KIF2A: variants seen among roughly 807,000 people sequenced by gnomAD.
The protein encoded by KIF2A is kinesin-like protein KIF2A.
A neutral mutation model predicts 100.2 loss-of-function variants in KIF2A; 22 were observed. That is an observed-to-expected ratio of 0.22 (90% CI 0.16 to 0.31). KIF2A has a LOEUF of 0.31. Ranked by LOEUF, KIF2A falls within the 10% of genes least tolerant of loss-of-function variation. The pLI, the probability that KIF2A is intolerant of heterozygous loss-of-function variation, is 1.00. For missense variants in KIF2A, 495 were observed against 898.7 expected (o/e 0.55, Z 5.74); for synonymous variants, 268 against 285.9 (o/e 0.94, Z 0.63).
chr5:62,347,035 T>C (rs1324380410), intron 1 of KIF2A, 95 bp from the exon 2 acceptor site: 4 of 684,272 alleles, frequency 5.8e-6, no homozygotes, highest in Non-Finnish European at 1.0e-5. Context: ...GTGTCATTTT[T>C]TTTTTAATTT....
intron 16 of KIF2A, among the ~76,000 whole-genome samples, chr5:62,368,260 CTTGT>C (rs1360084791): frequency 6.6e-6 from 1 of 150,928 alleles, no homozygotes; most frequent in East Asian, 1.9e-4. Context: ...GAATACTTTT[CTTGT>C]TTTTTTTTTT....
In KIF2A at chr5:62,348,830, C is replaced by G. The variant is rs112706657; in HGVS notation, c.279+663C>G. 9.6e-3 allele frequency among the ~76,000 whole-genome samples: 1,262 copies of G among 131,982 alleles called. 8 individuals are homozygous for G. Among genetic ancestry groups the G allele is most frequent in the Non-Finnish European group, 0.015 (979 of 63,360 alleles). 86.6% of individuals were successfully genotyped at this position (131,982 alleles called of 152,430 possible). Reference sequence around the variant, plus strand: ...GGTTCTTTGTGTTCATCTCAACAAGCATTTGTGGTTTTGTTGTTGTTGTTT... The same window carrying G: ...GGTTCTTTGTGTTCATCTCAACAAGGATTTGTGGTTTTGTTGTTGTTGTTT... On this transcript the variant is annotated intron_variant, in intron 3 of 20. Coordinates refer to ENST00000407818, the MANE Select transcript of KIF2A (RefSeq NM_001098511.3).
chr5:62,386,880 A>ATATC lies in KIF2A; in HGVS notation c.*1313_*1316dup, dbSNP rs1742055644. On this transcript the variant is annotated 3_prime_UTR_variant, in exon 21 of 21. Transcript: ENST00000407818. ...GTAAATATTTTGTTCAAAGATTTGT[A>ATATC]TATCTCTCTAGGAGTTTTCCCTCAG... Among the ~76,000 whole-genome samples the ATATC allele has an allele frequency of 6.6e-6, 1 of 152,234 alleles. No individual in the cohort carries two copies. Among genetic ancestry groups the ATATC allele is most frequent in the African/African-American group, 2.4e-5 (1 of 41,472 alleles).
intron 1 of KIF2A, chr5:62,308,523 C>T (rs1042670624): frequency 5.8e-5 from 41 of 705,078 alleles, no homozygotes; most frequent in Non-Finnish European, 9.3e-5. Context: ...TGAGGAATGG[C>T]TAAAGAAATT....
intron 19 of KIF2A, among the ~76,000 whole-genome samples, chr5:62,379,911 T>C (rs1424839958): frequency 6.6e-6 from 1 of 152,210 alleles, no homozygotes; most frequent in Non-Finnish European, 1.5e-5. Flanking sequence ...TTTTTTGTTT[T>C]GAGACAGTCT....
chr5:62,345,818 C>T (rs186179350), intron 1 of KIF2A, among the ~76,000 whole-genome samples: 1 of 151,998 alleles, frequency 6.6e-6, no homozygotes, highest in Admixed American at 6.6e-5. Flanking sequence ...ATAGATGCCC[C>T]CAAGGATTTC....
At chr5:62,307,936 G>C (rs1353100548) in intron 1 of KIF2A, among the ~76,000 whole-genome samples, 1 of 152,100 alleles carries the variant, frequency 6.6e-6, no homozygotes, top group Non-Finnish European at 1.5e-5. Context: ...TTTTATGAGT[G>C]CCTTATTTAT....
At chr5:62,336,713 A>G (rs1313000635) in intron 1 of KIF2A, among the ~76,000 whole-genome samples, 2 of 152,250 alleles carry the variant, frequency 1.3e-5, no homozygotes, top group Non-Finnish European at 2.9e-5. Context: ...TGACTTAAGC[A>G]TTCATCTTAA....
intron 1 of KIF2A, among the ~76,000 whole-genome samples, chr5:62,324,897 A>G (rs1009399104): frequency 1.3e-5 from 2 of 152,222 alleles, no homozygotes; most frequent in Non-Finnish European, 2.9e-5. Context: ...AGCAAAAGAA[A>G]CAGAGTAAAC....
Position 62,385,628 on chromosome 5 carries a change from C to T in KIF2A, c.*59C>T. 4 of 1,202,322 alleles carry T rather than the reference C, an allele frequency of 3.3e-6. 1 individual carries two copies. In the South Asian group the frequency reaches 4.0e-5, roughly 12 times the overall value. 74.5% of individuals were successfully genotyped at this position (1,202,322 alleles called of 1,614,324 possible). ...CTCACTACTGTAACATACAACGGTT[C>T]AGCTGTAAGGGCCATTTGAAAGTTT... On this transcript the variant is annotated 3_prime_UTR_variant, in exon 21 of 21. Transcript: ENST00000407818.
chr5:62,390,682 TAAAGAA>T lies in KIF2A; in HGVS notation c.*5116_*5121del, dbSNP rs915827426. On this transcript the variant is annotated 3_prime_UTR_variant, in exon 21 of 21. Transcript: ENST00000407818. ...TCGGACTGTTCTTTACTACTGTTCT[TAAAGAA>T]AATGTTCATTCTGCTGCAGCTAACT... Among the ~76,000 whole-genome samples the T allele has an allele frequency of 6.6e-6, 1 of 152,172 alleles. No homozygotes were observed. Among genetic ancestry groups the T allele is most frequent in the African/African-American group, 2.4e-5 (1 of 41,452 alleles).
chr5:62,339,178 C>T (rs976118127), intron 1 of KIF2A, among the ~76,000 whole-genome samples: 1 of 152,158 alleles, frequency 6.6e-6, no homozygotes, highest in African/African-American at 2.4e-5. Flanking sequence ...CTGGGAAGGT[C>T]TCATGAAGGC....
chr5:62,368,932 G>T (rs1004490943), intron 16 of KIF2A, among the ~76,000 whole-genome samples: 2 of 151,982 alleles, frequency 1.3e-5, no homozygotes, highest in Admixed American at 1.3e-4. Flanking sequence ...TGATATGTGG[G>T]ATTTTTATCA....
At chr5:62,319,160 TAAC>T (rs35093486) in intron 1 of KIF2A, among the ~76,000 whole-genome samples, 3,387 of 149,798 alleles carry the variant, frequency 0.023, 72 homozygotes, top group African/African-American at 0.058. Flanking sequence ...GTAATTTGGT[TAAC>T]AACAACAACA....
chr5:62,318,944 C>T (rs1023066590), intron 1 of KIF2A, among the ~76,000 whole-genome samples: 1 of 152,192 alleles, frequency 6.6e-6, no homozygotes, highest in Admixed American at 6.5e-5. Flanking sequence ...CACTCTATTG[C>T]TCCAGTCAGA....
chr5:62,361,435 G>T (rs776587016), intron 10 of KIF2A, 31 bp from the exon 11 acceptor site: 1 of 1,470,790 alleles, frequency 6.8e-7, no homozygotes, highest in Non-Finnish European at 9.5e-7. Context: ...CCTGAGTAAT[G>T]TCTGTTCTTT....
rs568602901 is a variant in KIF2A, at chr5:62,376,304, G to A, written c.1912-1357G>A. ...TGACTCAGCATTAGCCTTTAGTTAA[G>A]TATTGGTGCGTGTGTACATATTATT... On this transcript the variant is annotated intron_variant, in intron 18 of 20. Transcript: ENST00000407818. Among the ~76,000 whole-genome samples the A allele has an allele frequency of 2.6e-5, 4 of 152,300 alleles. No homozygotes were observed. In the South Asian group the frequency reaches 8.3e-4, roughly 32 times the overall value.
intron 1 of KIF2A, among the ~76,000 whole-genome samples, chr5:62,333,198 G>A (rs1340598098): frequency 1.3e-5 from 2 of 152,108 alleles, no homozygotes; most frequent in Admixed American, 1.3e-4. Context: ...ATAAATATTT[G>A]CCAGAACAAT....
At chr5:62,365,586 C>A (rs1741026551) in intron 15 of KIF2A, among the ~76,000 whole-genome samples, 1 of 151,846 alleles carries the variant, frequency 6.6e-6, no homozygotes, top group Admixed American at 6.6e-5. Flanking sequence ...TTTTCTTTTT[C>A]TTTTTCTTTT....
Sources: allele counts gnomAD v4.1 joint callset (sites outside exome capture counted in the v4.1 genomes callset), GRCh38; gene constraint gnomAD v4.1.1; transcripts MANE v1.5; gene names NCBI Gene and HGNC (gene_info 2026-07-23, HGNC 2026-07-21).